ARMC6: variants seen among roughly 807,000 people sequenced by gnomAD.
ARMC6 encodes the protein armadillo repeat-containing protein 6.
ARMC6 carries 43 observed loss-of-function variants against 49.2 expected under a neutral mutation model. The observed-to-expected ratio is 0.87, with a 90% CI of 0.69 to 1.13. The LOEUF (loss-of-function observed/expected upper bound fraction) is 1.13. Ranked by LOEUF, ARMC6 falls within the 50% of genes most tolerant of loss-of-function variation. ARMC6 has a pLI of 0.00. For synonymous variants in ARMC6, 262 were observed against 289.6 expected (o/e 0.90, Z 0.97); for missense variants, 627 against 682.0 (o/e 0.92, Z 0.90).
intron 6 of ARMC6, among the ~76,000 whole-genome samples, chr19:19,055,000 CA>C (rs1211330399): frequency 6.6e-6 from 1 of 152,218 alleles, no homozygotes; most frequent in Non-Finnish European, 1.5e-5. Flanking sequence ...TGGCCGTGGA[CA>C]GGGGGACCCT....
chr19:19,038,154 C>A (rs766314389), intron 2 of ARMC6, among the ~76,000 whole-genome samples: 8 of 152,322 alleles, frequency 5.3e-5, no homozygotes, highest in Middle Eastern at 3.4e-3. Context: ...CTCCCATCAC[C>A]CCCAGATGGG....
intron 4 of ARMC6, among the ~76,000 whole-genome samples, chr19:19,049,906 C>T (rs185802443): frequency 1.1e-4 from 16 of 152,256 alleles, no homozygotes; most frequent in African/African-American, 3.6e-4. Flanking sequence ...TGCCTGTAGT[C>T]CCAGCTGCTC....
At position 19,055,482 on chromosome 19, in the gene ARMC6, C is replaced by T. The variant is rs2059536546; in HGVS notation, c.1155+86C>T. 5 of 1,499,654 alleles carry T rather than the reference C, an allele frequency of 3.3e-6. No individual in the cohort carries two copies. The highest frequency in any genetic ancestry group is 1.4e-5 in the African/African-American group (1 of 71,520). 92.9% of individuals were successfully genotyped at this position (1,499,654 alleles called of 1,614,324 possible). A position where few individuals can be genotyped will look rare whatever the true frequency, so the allele number is the denominator to read the frequency against. On this transcript the variant is annotated intron_variant, in intron 7 of 8. Transcript: ENST00000535612. This position sits in a 1 kb window ranked among gnomAD's most constrained non-coding sequence, Gnocchi z 5.7. ...CTGTATCTGCATGAAGCTCTATTCCCCTGCAGGGCCAGGGCAGGGCTGGTG... is the reference window on the plus strand; with the variant it reads ...CTGTATCTGCATGAAGCTCTATTCCTCTGCAGGGCCAGGGCAGGGCTGGTG...
Position 19,055,253 on chromosome 19 carries a change from T to C in ARMC6, c.1024-12T>C, listed in dbSNP as rs1425982011. 1 of 1,582,926 alleles carries C rather than the reference T, an allele frequency of 6.3e-7. No individual in the cohort carries two copies. The highest frequency in any genetic ancestry group is 1.8e-5 in the Admixed American group (1 of 55,662). On this transcript the variant is annotated splice_polypyrimidine_tract_variant and intron_variant, in intron 6 of 8. Transcript: ENST00000535612. This position sits in a 1 kb window ranked among gnomAD's most constrained non-coding sequence, Gnocchi z 5.7. Reference sequence around the variant, plus strand: ...GCCTGGCTGGAGGTGAGCGGGCCTTTCCCTTGTGCAGGAGCTCGTGAAGCA... The same window carrying C: ...GCCTGGCTGGAGGTGAGCGGGCCTTCCCCTTGTGCAGGAGCTCGTGAAGCA...
chr19:19,046,358 G>A (rs987298848), intron 4 of ARMC6, among the ~76,000 whole-genome samples: 5 of 151,592 alleles, frequency 3.3e-5, no homozygotes, highest in Admixed American at 2.0e-4. Flanking sequence ...CATGACGCCC[G>A]GCTAATTTTT....
chr19:19,037,687 G>C, intron 2 of ARMC6: 1 of 1,148,798 alleles, frequency 8.7e-7, no homozygotes, highest in African/African-American at 1.7e-5. Context: ...ACGGAAACTT[G>C]ATATTACTGC....
At position 19,055,728 on chromosome 19, in the gene ARMC6, T is replaced by C. The variant is rs28530647; in HGVS notation, c.1156-63T>C. ...GGTGTTCACCAGGGGTTGGTGGCCA[T>C]GGCAGGATGTTGTGGGGGGTCTATC... On this transcript the variant is annotated intron_variant, in intron 7 of 8. Coordinates refer to ENST00000535612, the MANE Select transcript of ARMC6 (RefSeq NM_001199196.2). This position sits in a 1 kb window ranked among gnomAD's most constrained non-coding sequence, Gnocchi z 5.7. The C allele has an allele frequency of 4.3e-3, 6,530 of 1,513,432 alleles. 208 individuals are homozygous for C. The African/African-American group carries it at 0.078, about 18-fold the overall frequency. The allele number at this position is 1,513,432 out of a possible 1,614,324, so 93.8% of individuals were successfully genotyped here. A position where few individuals can be genotyped will look rare whatever the true frequency, so the allele number is the denominator to read the frequency against.
At position 19,051,751 on chromosome 19, in the gene ARMC6, T is replaced by C; in HGVS notation, c.409T>C (p.Tyr137His). The C allele has an allele frequency of 6.2e-7, 1 of 1,614,056 alleles. No individual in the cohort carries two copies. The highest frequency in any genetic ancestry group is 8.5e-7 in the Non-Finnish European group (1 of 1,180,038). ...CTTCCTCGCGGCCCAGAAGGGGGCC[T>C]ACCCCATCATCTTCACTGCCTGGAA... ...CRFLAAQKGAYPIIFTAWKLA... is the reference protein window; with the variant it reads ...CRFLAAQKGAHPIIFTAWKLA... Residue 137 changes from tyrosine (Y) to histidine (H), a missense_variant, in exon 5 of 9, where the codon TAC becomes CAC. By Grantham distance (83) the Tyr-to-His change is moderately conservative (BLOSUM62 2). Transcript: ENST00000535612.
At chr19:19,047,584 C>A (rs1441547353) in intron 4 of ARMC6, among the ~76,000 whole-genome samples, 1 of 152,148 alleles carries the variant, frequency 6.6e-6, no homozygotes, top group African/African-American at 2.4e-5. Context: ...GTAAAGCCCC[C>A]CTCCATGAGC....
intron 2 of ARMC6, chr19:19,037,597 CTCA>C: frequency 8.2e-7 from 1 of 1,224,790 alleles, no homozygotes; most frequent in South Asian, 1.3e-5. Flanking sequence ...AACTCCTGGC[CTCA>C]TGTGATCCTT....
rs771128145 is a variant in ARMC6, at chr19:19,057,732, A to G, written c.*104A>G. ...CCCCCATTAGTTCTGTCCCCTTCAC[A>G]ATGAGAAGTGTTTTCTGGCAGGCCC... On this transcript the variant is annotated 3_prime_UTR_variant, in exon 9 of 9. Transcript: ENST00000535612. 1 of 972,122 alleles carries G rather than the reference A, an allele frequency of 1.0e-6. No individual in the cohort carries two copies. Among genetic ancestry groups the G allele is most frequent in the South Asian group, 1.3e-5 (1 of 79,046 alleles). The allele number at this position is 972,122 out of a possible 1,614,324, so 60.2% of individuals were successfully genotyped here. A position where few individuals can be genotyped will look rare whatever the true frequency, so the allele number is the denominator to read the frequency against.
At chr19:19,037,692 T>G in intron 2 of ARMC6, 1 of 1,152,134 alleles carries the variant, frequency 8.7e-7, no homozygotes, top group South Asian at 1.6e-5. Flanking sequence ...AACTTGATAT[T>G]ACTGCAATAA....
intron 2 of ARMC6, among the ~76,000 whole-genome samples, chr19:19,042,196 C>T (rs760325399): frequency 2.0e-5 from 3 of 152,140 alleles, no homozygotes; most frequent in Non-Finnish European, 4.4e-5. Flanking sequence ...CTGCGCCCAG[C>T]CAGAATCTTT....
Position 19,033,619 on chromosome 19 carries a change from G to C in ARMC6, c.-391G>C. 1 of 1,161,316 alleles carries C rather than the reference G, an allele frequency of 8.6e-7. No individual in the cohort carries two copies. Among genetic ancestry groups the C allele is most frequent in the Non-Finnish European group, 1.1e-6 (1 of 941,578 alleles). 71.9% of individuals were successfully genotyped at this position (1,161,316 alleles called of 1,614,324 possible). ...CGGGCCGCCGCGGCCCGGCTCTCTT[G>C]CGCAAGCGCGCTGTCCGCTTCTTCT... On this transcript the variant is annotated 5_prime_UTR_variant, in exon 1 of 9. Coordinates refer to ENST00000535612, the MANE Select transcript of ARMC6 (RefSeq NM_001199196.2).
In ARMC6 at chr19:19,055,422, G is replaced by C; in HGVS notation, c.1155+26G>C. Reference sequence around the variant, plus strand: ...GTACCCACCTCGGGGGGCACACACAGTAGCAGGGTGGTGGCTGGAGTCCCA... The same window carrying C: ...GTACCCACCTCGGGGGGCACACACACTAGCAGGGTGGTGGCTGGAGTCCCA... On this transcript the variant is annotated intron_variant, in intron 7 of 8. Transcript: ENST00000535612. The surrounding 1 kb of genome is among the most constrained non-coding windows in gnomAD (Gnocchi z 5.7). The C allele has an allele frequency of 6.4e-7, 1 of 1,567,256 alleles. No homozygotes were observed. Among genetic ancestry groups the C allele is most frequent in the Non-Finnish European group, 8.6e-7 (1 of 1,157,270 alleles).
At chr19:19,052,217 G>A (rs1206587220) in intron 5 of ARMC6, 22 bp downstream of exon 5, 3 of 1,558,266 alleles carry the variant, frequency 1.9e-6, no homozygotes, top group East Asian at 2.3e-5. Context: ...GGGCCGACAC[G>A]AGCCAGCGAA....
At chr19:19,042,303 C>A (rs1001959802) in intron 2 of ARMC6, among the ~76,000 whole-genome samples, 2 of 152,162 alleles carry the variant, frequency 1.3e-5, no homozygotes, top group Admixed American at 6.6e-5. Flanking sequence ...TATTAAAGAA[C>A]CACCTTTCTT....
chr19:19,039,310 A>T (rs1568488234), intron 2 of ARMC6: 2 of 440,796 alleles, frequency 4.5e-6, no homozygotes, highest in South Asian at 1.6e-5. Context: ...ATATTTTTAA[A>T]TTTTTTTGTA....
intron 2 of ARMC6, among the ~76,000 whole-genome samples, chr19:19,040,093 C>T (rs986126150): frequency 2.0e-5 from 3 of 152,184 alleles, no homozygotes; most frequent in Admixed American, 6.5e-5. Flanking sequence ...AGATAGAGAA[C>T]GTTTCATCAT....
Sources: allele counts gnomAD v4.1 joint callset (sites outside exome capture counted in the v4.1 genomes callset), GRCh38; gene constraint gnomAD v4.1.1; non-coding constraint Gnocchi (gnomAD v3.1); transcripts MANE v1.5; gene names NCBI Gene and HGNC (gene_info 2026-07-23, HGNC 2026-07-21).